TNR: variants seen among roughly 807,000 people sequenced by gnomAD.
TNR encodes the protein tenascin-R.
A neutral mutation model predicts 150.4 loss-of-function variants in TNR; 45 were observed. That is an observed-to-expected ratio of 0.30 (90% confidence interval 0.24 to 0.38). The LOEUF (loss-of-function observed/expected upper bound fraction) is 0.38. Ranked by LOEUF, TNR falls within the 10% of genes least tolerant of loss-of-function variation. TNR has a pLI of 1.00. For synonymous variants in TNR, 687 were observed against 678.4 expected, an observed-to-expected ratio of 1.01 and a Z score of -0.20; for missense variants, 1,544 against 1,759.1, an observed-to-expected ratio of 0.88 and a Z score of 2.19.
At chr1:175,431,742 C>G (rs1655272869) in intron 2 of TNR, among the ~76,000 whole-genome samples, 1 of 150,976 alleles carries the variant, frequency 6.6e-6, no homozygotes, top group Admixed American at 6.6e-5. Context: ...TGGTAGTCTT[C>G]TGGTCCCTCA....
intron 7 of TNR, among the ~76,000 whole-genome samples, chr1:175,388,066 A>T (rs859442): frequency 6.6e-6 from 1 of 152,030 alleles, no homozygotes; most frequent in Non-Finnish European, 1.5e-5. Context: ...TGGTGGTTTT[A>T]GATAACTTAG....
intron 2 of TNR, among the ~76,000 whole-genome samples, chr1:175,457,461 GC>G (rs920925889): frequency 1.3e-5 from 2 of 152,224 alleles, no homozygotes; most frequent in African/African-American, 4.8e-5. Context: ...GGCCAAGCCA[GC>G]CTGTCTGGTT....
chr1:175,539,729 T>C (rs1238963663), intron 1 of TNR, among the ~76,000 whole-genome samples: 5 of 152,226 alleles, frequency 3.3e-5, no homozygotes, highest in Non-Finnish European at 7.3e-5. Flanking sequence ...GCAGTGTGAT[T>C]GGAAGGTCTT....
chr1:175,557,943 T>TA lies in TNR; in HGVS notation c.-164-29575dup, dbSNP rs770763592. 9.5e-4 allele frequency among the ~76,000 whole-genome samples: 97 copies of TA among 102,344 alleles called. 1 individual carries two copies. Among genetic ancestry groups the TA allele is most frequent in the Non-Finnish European group, 1.7e-3 (83 of 49,512 alleles). 67.1% of individuals were successfully genotyped at this position (102,344 alleles called of 152,430 possible). On this transcript the variant is annotated intron_variant, in intron 1 of 22. Transcript: ENST00000367674. ...TACACCATGGAATACTATGCAGCCATAAAAAATGATGAGTTCGTGTCCTTT... is the reference window on the plus strand; with the variant it reads ...TACACCATGGAATACTATGCAGCCATAAAAAAATGATGAGTTCGTGTCCTTT...
chr1:175,558,484 C>G (rs1037455046), intron 1 of TNR, among the ~76,000 whole-genome samples: 2 of 152,080 alleles, frequency 1.3e-5, no homozygotes, highest in African/African-American at 4.8e-5. Context: ...AGAAGTTAAG[C>G]AACTTTTCCA....
chr1:175,346,032 A>T (rs1650764539), intron 18 of TNR, among the ~76,000 whole-genome samples: 1 of 152,220 alleles, frequency 6.6e-6, no homozygotes, highest in South Asian at 2.1e-4. Flanking sequence ...AGTATTTTTA[A>T]ATATGATGGG....
intron 1 of TNR, among the ~76,000 whole-genome samples, chr1:175,563,094 G>T (rs1197681821): frequency 2.0e-5 from 3 of 152,180 alleles, no homozygotes; most frequent in Admixed American, 6.5e-5. Context: ...CCACAAATTT[G>T]TCTTGCAATG....
intron 1 of TNR, among the ~76,000 whole-genome samples, chr1:175,664,064 C>A (rs1665460522): frequency 6.6e-6 from 1 of 152,218 alleles, no homozygotes; most frequent in Non-Finnish European, 1.5e-5. Context: ...AGGCCAGAGA[C>A]CTGGTCACTT....
intron 1 of TNR, among the ~76,000 whole-genome samples, chr1:175,707,604 A>T (rs1431227292): frequency 2.6e-5 from 4 of 152,164 alleles, no homozygotes; most frequent in African/African-American, 9.7e-5. Context: ...CCATTTTTTC[A>T]CAGGCCTAAA....
chr1:175,428,684 G>T (rs1655122595), intron 2 of TNR, among the ~76,000 whole-genome samples: 1 of 152,150 alleles, frequency 6.6e-6, no homozygotes, highest in Non-Finnish European at 1.5e-5. Flanking sequence ...ATGGAATAAA[G>T]TGTCCACCAT....
chr1:175,424,546 T>C (rs970541422), intron 2 of TNR, among the ~76,000 whole-genome samples: 4 of 152,200 alleles, frequency 2.6e-5, no homozygotes, highest in Non-Finnish European at 4.4e-5. Context: ...AATAATGAAC[T>C]GGGCTGATTA....
chr1:175,475,040 G>T lies in TNR; in HGVS notation c.-64+53229C>A, dbSNP rs74738925. ...CAGAAGTGGCTTGGACTCAAGAAGA[G>T]GAAGTCTATAGCAACAGCTGCTCAT... On this transcript the variant is annotated intron_variant, in intron 2 of 22. Transcript: ENST00000367674. 3.6e-3 allele frequency among the ~76,000 whole-genome samples: 546 copies of T among 152,318 alleles called. 2 individuals are homozygous for T. Among genetic ancestry groups the T allele is most frequent in the South Asian group, 0.028 (136 of 4,822 alleles).
intron 2 of TNR, among the ~76,000 whole-genome samples, chr1:175,510,257 T>C (rs1028922167): frequency 6.6e-6 from 1 of 152,102 alleles, no homozygotes; most frequent in Non-Finnish European, 1.5e-5. Context: ...ATGAAATGTA[T>C]TTAAGGGTTT....
At chr1:175,480,419 A>AAAAGAAAGAAAGCAAGAAAG (rs1657741817) in intron 2 of TNR, among the ~76,000 whole-genome samples, 1 of 110,936 alleles carries the variant, frequency 9.0e-6, no homozygotes, top group Non-Finnish European at 2.0e-5. Context: ...AAAGAAAGAA[A>AAAAGAAAGAAAGCAAGAAAG]AAAGAAAGAA....
chr1:175,338,146 G>T (rs1311053819), intron 18 of TNR, among the ~76,000 whole-genome samples: 1 of 152,218 alleles, frequency 6.6e-6, no homozygotes, highest in Non-Finnish European at 1.5e-5. Context: ...AGGCATCTGA[G>T]CAAAGCTTTC....
At chr1:175,513,851 T>A (rs2102161922) in intron 2 of TNR, among the ~76,000 whole-genome samples, 1 of 152,232 alleles carries the variant, frequency 6.6e-6, no homozygotes, top group Middle Eastern at 3.4e-3. Flanking sequence ...CACATGCACA[T>A]CTAATCCGCG....
chr1:175,543,250 CT>C (rs1660570239), intron 1 of TNR, among the ~76,000 whole-genome samples: 2 of 152,008 alleles, frequency 1.3e-5, no homozygotes, highest in Admixed American at 1.3e-4. Flanking sequence ...CTGAGCTGGC[CT>C]GTGGGGGGTC....
At chr1:175,640,043 A>G (rs1421066953) in intron 1 of TNR, among the ~76,000 whole-genome samples, 2 of 152,222 alleles carry the variant, frequency 1.3e-5, no homozygotes, top group Non-Finnish European at 2.9e-5. Flanking sequence ...AACAGGTAGC[A>G]TTACCCCAAG....
intron 1 of TNR, among the ~76,000 whole-genome samples, chr1:175,533,065 T>TGC (rs1660136642): frequency 6.6e-6 from 1 of 152,232 alleles, no homozygotes; most frequent in Non-Finnish European, 1.5e-5. Context: ...ACAAATGCTT[T>TGC]GCGCTTTTGC....
Sources: gnomAD v4.1 joint callset for allele counts (sites outside exome capture counted in the v4.1 genomes callset) on GRCh38, gnomAD v4.1.1 for gene constraint, MANE v1.5 for transcripts, NCBI Gene and HGNC (gene_info 2026-07-23, HGNC 2026-07-21) for gene names.